The following RBM15B variants were observed in gnomAD, a reference collection of about 807,000 sequenced individuals.
The protein encoded by RBM15B is RNA binding motif protein 15B.
Under a neutral mutation model 53.3 loss-of-function variants are expected in RBM15B, and 11 were observed. The ratio of observed to expected loss-of-function variants is 0.21; its 90% confidence interval spans 0.13 to 0.34. RBM15B has a LOEUF of 0.34. Ranked by LOEUF, RBM15B falls within the 10% of genes least tolerant of loss-of-function variation. RBM15B has a pLI of 1.00. For missense variants in RBM15B, 1,136 were observed against 1,250.3 expected, an observed-to-expected ratio of 0.91 and a Z score of 1.38; for synonymous variants, 631 against 540.7, an observed-to-expected ratio of 1.17 and a Z score of -2.32.
Position 51,396,599 on chromosome 3 carries a change from G to T in RBM15B, c.*2527G>T, listed in dbSNP as rs879946113. The stretch of plus-strand genomic sequence containing the variant: ...AAAGGCAACATGTGCCTCACTGGTG[G>T]TGTGCCACTGTTCTCATGCTGCCTC... On this transcript the variant is annotated 3_prime_UTR_variant, in exon 1 of 1. Coordinates refer to ENST00000563281, the MANE Select transcript of RBM15B (RefSeq NM_013286.5). 3.0e-5 allele frequency: 5 copies of T among 167,164 alleles called. No homozygotes were observed. Among genetic ancestry groups the T allele is most frequent in the Non-Finnish European group, 5.9e-5 (4 of 68,148 alleles). 10.4% of individuals were successfully genotyped at this position (167,164 alleles called of 1,614,324 possible).
chr3:51,392,719 C>A lies in RBM15B; in HGVS notation c.1320C>A (p.Arg440=). 1.9e-6 allele frequency: 3 copies of A among 1,614,198 alleles called. No individual in the cohort carries two copies. Among genetic ancestry groups the A allele is most frequent in the Non-Finnish European group, 2.5e-6 (3 of 1,180,046 alleles). The change falls in exon 1 of 1, where the codon CGC becomes CGA. Residue 440 remains arginine, a synonymous_variant. Transcript: ENST00000563281. This position sits in a 1 kb window ranked among gnomAD's most constrained non-coding sequence, Gnocchi z 7.5. ...CGGCTCTGGCCCGAGAGTTTGACCG[C>A]TTTGGGAGCATTCGGACCATTGATC... ...SLAALAREFD[R]FGSIRTIDHV... is the part of the protein sequence containing the mutation.
rs1397872616 is a variant in RBM15B at position 51,391,499 on chromosome 3, G to A, written c.100G>A (p.Gly34Arg). The A allele has an allele frequency of 8.2e-7, 1 of 1,221,634 alleles. No individual in the cohort carries two copies. The highest frequency in any genetic ancestry group is 1.0e-6 in the Non-Finnish European group (1 of 981,556). The allele number at this position is 1,221,634 out of a possible 1,614,324, so 75.7% of individuals were successfully genotyped here. ...REREREAEAG[G>R]RRAAHKASGG... ...GCGCGAACGGGAGGCGGAGGCGGGC[G>A]GGCGGCGGGCGGCGCACAAGGCCTC... The change falls in exon 1 of 1, where the codon GGG becomes AGG. Residue 34 changes from glycine (G) to arginine (R), a missense_variant. Around this residue, in one of 7 missense-constraint regions of RBM15B, gnomAD observed 257 missense variants for 261.1 expected, o/e 0.98. Coordinates refer to ENST00000563281, the MANE Select transcript of RBM15B (RefSeq NM_013286.5). This position sits in a 1 kb window ranked among gnomAD's most constrained non-coding sequence, Gnocchi z 4.5.
In RBM15B at chr3:51,396,226, TA is replaced by T. The variant is rs1310544034; in HGVS notation, c.*2155del. ...CAGAACCAAGTAAAAGGAAACATGC[TA>T]GAAAACGTGCCTAGAGAAGACACTT... On this transcript the variant is annotated 3_prime_UTR_variant, in exon 1 of 1. Transcript: ENST00000563281. The T allele has an allele frequency of 2.0e-5, 6 of 303,678 alleles. No homozygotes were observed. The highest frequency in any genetic ancestry group is 3.8e-5 in the Non-Finnish European group (6 of 157,382). The allele number at this position is 303,678 out of a possible 1,614,324, so 18.8% of individuals were successfully genotyped here.
Position 51,391,597 on chromosome 3 carries a change from G to A in RBM15B, c.198G>A (p.Gly66=). The A allele has an allele frequency of 8.5e-7, 1 of 1,179,112 alleles. No individual in the cohort carries two copies. The highest frequency in any genetic ancestry group is 3.4e-4 in the Middle Eastern group (1 of 2,922). The allele number at this position is 1,179,112 out of a possible 1,614,324, so 73.0% of individuals were successfully genotyped here. A position where few individuals can be genotyped will look rare whatever the true frequency, so the allele number is the denominator to read the frequency against. ...GCGGCAGCGGAAGCGGCGGGGGCGGGCATCGCGACGGCCGCGGCACCGGGG... is the reference window on the plus strand; with the variant it reads ...GCGGCAGCGGAAGCGGCGGGGGCGGACATCGCGACGGCCGCGGCACCGGGG... ...KPRGSGSGGG[G]HRDGRGTGDA... is the part of the protein sequence containing the mutation. The change falls in exon 1 of 1, where the codon GGG becomes GGA. Residue 66 remains glycine, a synonymous_variant. Coordinates refer to ENST00000563281, the MANE Select transcript of RBM15B (RefSeq NM_013286.5). This position sits in a 1 kb window ranked among gnomAD's most constrained non-coding sequence, Gnocchi z 4.5.
In RBM15B at chr3:51,391,854, C is replaced by A; in HGVS notation, c.455C>A (p.Ala152Asp). 1 of 1,603,320 alleles carries A rather than the reference C, an allele frequency of 6.2e-7. No homozygotes were observed. The change falls in exon 1 of 1, where the codon GCC becomes GAC. Residue 152 changes from alanine to aspartate, a missense_variant. Physicochemically the swap from Ala to Asp is moderately radical, Grantham distance 126 (BLOSUM62 -2). Transcript: ENST00000563281. The surrounding 1 kb of genome is among the most constrained non-coding windows in gnomAD (Gnocchi z 4.5). ...AGCAGCTTGAGCCCCGCGCTGCCCG[C>A]CGAGCACCTCGAGGACCGGCTCTTC... ...LISSLSPALPAEHLEDRLFHQ... is the reference protein window; with the variant it reads ...LISSLSPALPDEHLEDRLFHQ...
In RBM15B at chr3:51,391,743, TGCCGCCGCCTCC is replaced by T; in HGVS notation, c.348_359del (p.Pro119_Pro122del). On this transcript the variant is annotated inframe_deletion, in exon 1 of 1. Transcript: ENST00000563281. The surrounding 1 kb of genome is among the most constrained non-coding windows in gnomAD (Gnocchi z 4.5). ...GGCATGTCGCCCCGCGCGTCTCCTC[TGCCGCCGCCTCC>T]GCCACCGCCTGGGGCCGAGCCCGCG... 5.2e-6 allele frequency: 8 copies of T among 1,538,462 alleles called. No homozygotes were observed. Among genetic ancestry groups the T allele is most frequent in the Non-Finnish European group, 6.1e-6 (7 of 1,153,768 alleles).
rs2089100676 is a variant in RBM15B, at chr3:51,394,326, G to A, written c.*254G>A. 4 of 427,818 alleles carry A rather than the reference G, an allele frequency of 9.3e-6. No homozygotes were observed. Among genetic ancestry groups the A allele is most frequent in the Non-Finnish European group, 1.6e-5 (4 of 257,578 alleles). 26.5% of individuals were successfully genotyped at this position (427,818 alleles called of 1,614,324 possible). A position where few individuals can be genotyped will look rare whatever the true frequency, so the allele number is the denominator to read the frequency against. On this transcript the variant is annotated 3_prime_UTR_variant, in exon 1 of 1. Coordinates refer to ENST00000563281, the MANE Select transcript of RBM15B (RefSeq NM_013286.5). ...ACAAGATACTGTCTGCTGTGGTTCT[G>A]TATTTTTTTATTTTTTGACCAACTG... is the stretch of plus-strand genomic sequence containing the variant.
In RBM15B at chr3:51,392,981, GT is replaced by G. The variant is rs782703766; in HGVS notation, c.1583del (p.Val528GlyfsTer181). 1 of 1,613,694 alleles carries G rather than the reference GT, an allele frequency of 6.2e-7. No homozygotes were observed. The highest frequency in any genetic ancestry group is 1.3e-5 in the African/African-American group (1 of 74,942). ...GCACCGCAACCTGGACGCCGACCTGGTGCGGGACAGGACGCCCCCACACCTT... is the reference window on the plus strand; with the variant it reads ...GCACCGCAACCTGGACGCCGACCTGGGCGGGACAGGACGCCCCCACACCTT... ...TRHRNLDADL[V>X]RDRTPPHLLY... On this transcript the variant is annotated frameshift_variant, in exon 1 of 1. Coordinates refer to ENST00000563281, the MANE Select transcript of RBM15B (RefSeq NM_013286.5). LOFTEE classifies it high-confidence loss of function. The surrounding 1 kb of genome is among the most constrained non-coding windows in gnomAD (Gnocchi z 7.5).
Position 51,393,350 on chromosome 3 carries a change from A to C in RBM15B, c.1951A>C (p.Asn651His). The C allele has an allele frequency of 6.2e-7, 1 of 1,612,760 alleles. No homozygotes were observed. Among genetic ancestry groups the C allele is most frequent in the East Asian group, 2.2e-5 (1 of 44,852 alleles). ...SSEGTKESSS[N>H]SLSNSRHGAE... is the part of the protein sequence containing the mutation. ...TGAAGGGACCAAGGAGTCCAGCAGC[A>C]ACTCCCTCAGCAACAGCAGACATGG... The change falls in exon 1 of 1, where the codon AAC becomes CAC. Residue 651 changes from asparagine to histidine, a missense_variant. Around this residue, in one of 7 missense-constraint regions of RBM15B, gnomAD observed 578 missense variants for 581.6 expected, o/e 0.99. Transcript: ENST00000563281. This position sits in a 1 kb window ranked among gnomAD's most constrained non-coding sequence, Gnocchi z 5.6.
chr3:51,392,572 T>C lies in RBM15B; in HGVS notation c.1173T>C (p.His391=), dbSNP rs782404825. 3.0e-5 allele frequency: 49 copies of C among 1,613,784 alleles called. No homozygotes were observed. The highest frequency in any genetic ancestry group is 6.6e-5 in the South Asian group (6 of 91,086). The change falls in exon 1 of 1, where the codon CAT becomes CAC. Residue 391 remains histidine, a synonymous_variant. Coordinates refer to ENST00000563281, the MANE Select transcript of RBM15B (RefSeq NM_013286.5). The surrounding 1 kb of genome is among the most constrained non-coding windows in gnomAD (Gnocchi z 7.5). ...FLKFQNLDMA[H]RAKVAMSGRV... is the part of the protein sequence containing the mutation. Reference sequence around the variant, plus strand: ...AGTTCCAGAACCTGGACATGGCCCATAGGGCTAAGGTGGCCATGTCGGGCC... The same window carrying C: ...AGTTCCAGAACCTGGACATGGCCCACAGGGCTAAGGTGGCCATGTCGGGCC...
Position 51,394,204 on chromosome 3 carries a change from A to AAAG in RBM15B, c.*133_*135dup. ...ATTTTGGTTCATTTGGGTGGGGATC[A>AAAG]AAGTCCTGTCCACCACCAAAACTAA... On this transcript the variant is annotated 3_prime_UTR_variant, in exon 1 of 1. Coordinates refer to ENST00000563281, the MANE Select transcript of RBM15B (RefSeq NM_013286.5). 18 of 1,203,202 alleles carry AAAG rather than the reference A, an allele frequency of 1.5e-5. No homozygotes were observed. Among genetic ancestry groups the AAAG allele is most frequent in the Non-Finnish European group, 1.9e-5 (18 of 943,482 alleles). 74.5% of individuals were successfully genotyped at this position (1,203,202 alleles called of 1,614,324 possible). A position where few individuals can be genotyped will look rare whatever the true frequency, so the allele number is the denominator to read the frequency against.
chr3:51,395,438 A>C lies in RBM15B; in HGVS notation c.*1366A>C. On this transcript the variant is annotated 3_prime_UTR_variant, in exon 1 of 1. Transcript: ENST00000563281. ...TTCCGTCTTCTTCCCTGTCTCAAGT[A>C]AGTAAGGAAGGTACTGCGGACAGTG... is the stretch of plus-strand genomic sequence containing the variant. The C allele has an allele frequency of 5.2e-6, 1 of 194,026 alleles. No individual in the cohort carries two copies. Among genetic ancestry groups the C allele is most frequent in the Non-Finnish European group, 1.2e-5 (1 of 86,356 alleles). The allele number at this position is 194,026 out of a possible 1,614,324, so 12.0% of individuals were successfully genotyped here. A position where few individuals can be genotyped will look rare whatever the true frequency, so the allele number is the denominator to read the frequency against.
chr3:51,395,870 A>ATGT lies in RBM15B; in HGVS notation c.*1800_*1802dup. ...CATAACAAAACAGCAACACAAAGACATGTTAAGCATGTTTATTTATTTGCC... is the reference window on the plus strand; with the variant it reads ...CATAACAAAACAGCAACACAAAGACATGTTGTTAAGCATGTTTATTTATTTGCC... On this transcript the variant is annotated 3_prime_UTR_variant, in exon 1 of 1. Transcript: ENST00000563281. 1 of 413,520 alleles carries ATGT rather than the reference A, an allele frequency of 2.4e-6. No individual in the cohort carries two copies. The highest frequency in any genetic ancestry group is 1.3e-4 in the South Asian group (1 of 7,860). The allele number at this position is 413,520 out of a possible 1,614,324, so 25.6% of individuals were successfully genotyped here. A position where few individuals can be genotyped will look rare whatever the true frequency, so the allele number is the denominator to read the frequency against.
chr3:51,394,168 T>C lies in RBM15B; in HGVS notation c.*96T>C. 6 of 1,287,146 alleles carry C rather than the reference T, an allele frequency of 4.7e-6. No homozygotes were observed. Among genetic ancestry groups the C allele is most frequent in the Non-Finnish European group, 6.0e-6 (6 of 1,006,990 alleles). The allele number at this position is 1,287,146 out of a possible 1,614,324, so 79.7% of individuals were successfully genotyped here. A position where few individuals can be genotyped will look rare whatever the true frequency, so the allele number is the denominator to read the frequency against. ...TACCCTACCACTTTGGTTTGAATTATCTCCTGGGTTATTTTGGTTCATTTG... is the reference window on the plus strand; with the variant it reads ...TACCCTACCACTTTGGTTTGAATTACCTCCTGGGTTATTTTGGTTCATTTG... On this transcript the variant is annotated 3_prime_UTR_variant, in exon 1 of 1. Transcript: ENST00000563281.
At position 51,391,733 on chromosome 3, in the gene RBM15B, G is replaced by A. The variant is rs782618481; in HGVS notation, c.334G>A (p.Ala112Thr). ...GGGCGCCTCCGGCATGTCGCCCCGC[G>A]CGTCTCCTCTGCCGCCGCCTCCGCC... ...DPGASGMSPRASPLPPPPPPP... is the reference protein window; with the variant it reads ...DPGASGMSPRTSPLPPPPPPP... The change falls in exon 1 of 1, where the codon GCG (alanine) becomes ACG (threonine). Residue 112 changes from alanine to threonine, a missense_variant. Ala to Thr is a moderately conservative substitution (Grantham distance 58, BLOSUM62 0). Coordinates refer to ENST00000563281, the MANE Select transcript of RBM15B (RefSeq NM_013286.5). This position sits in a 1 kb window ranked among gnomAD's most constrained non-coding sequence, Gnocchi z 4.5. 5.8e-5 allele frequency: 86 copies of A among 1,494,298 alleles called. No individual in the cohort carries two copies. The highest frequency in any genetic ancestry group is 7.1e-5 in the Non-Finnish European group (80 of 1,133,674). 92.6% of individuals were successfully genotyped at this position (1,494,298 alleles called of 1,614,324 possible).
In RBM15B at chr3:51,392,234, G is replaced by T; in HGVS notation, c.835G>T (p.Ala279Ser). The change falls in exon 1 of 1, where the codon GCC becomes TCC. Residue 279 changes from alanine (A) to serine (S), a missense_variant. Physicochemically the swap from Ala to Ser is moderately conservative, Grantham distance 99. Transcript: ENST00000563281. This position sits in a 1 kb window ranked among gnomAD's most constrained non-coding sequence, Gnocchi z 7.5. ...VAAPPLREPR[A>S]RHAAAAFALD... ...TGCCCCGCCCCTGCGGGAGCCCCGT[G>T]CCCGTCACGCCGCCGCAGCCTTCGC... 7.6e-6 allele frequency: 12 copies of T among 1,570,808 alleles called. No homozygotes were observed. The highest frequency in any genetic ancestry group is 9.5e-6 in the Non-Finnish European group (11 of 1,163,072).
In RBM15B at chr3:51,393,291, C is replaced by T. The variant is rs1553621935; in HGVS notation, c.1892C>T (p.Thr631Ile). Residue 631 changes from threonine to isoleucine, a missense_variant, in exon 1 of 1, where the codon ACC becomes ATC. Around this residue, in one of 7 missense-constraint regions of RBM15B, gnomAD observed 578 missense variants for 581.6 expected, o/e 0.99. Transcript: ENST00000563281. The surrounding 1 kb of genome is among the most constrained non-coding windows in gnomAD (Gnocchi z 5.6). ...GQQSERGSDR[T>I]PERSRKENHS... ...CAGTCAGAGCGGGGCTCCGACCGCA[C>T]CCCTGAGCGCAGCCGCAAGGAGAAC... 2 of 1,610,660 alleles carry T rather than the reference C, an allele frequency of 1.2e-6. No individual in the cohort carries two copies. The highest frequency in any genetic ancestry group is 2.2e-5 in the East Asian group (1 of 44,730).
In RBM15B at chr3:51,393,443, A is replaced by G. The variant is rs1553621970; in HGVS notation, c.2044A>G (p.Arg682Gly). The G allele has an allele frequency of 6.2e-7, 1 of 1,613,960 alleles. No homozygotes were observed. Among genetic ancestry groups the G allele is most frequent in the Non-Finnish European group, 8.5e-7 (1 of 1,179,960 alleles). Residue 682 changes from arginine to glycine, a missense_variant, in exon 1 of 1, where the codon AGA (arginine) becomes GGA (glycine). Coordinates refer to ENST00000563281, the MANE Select transcript of RBM15B (RefSeq NM_013286.5). This position sits in a 1 kb window ranked among gnomAD's most constrained non-coding sequence, Gnocchi z 5.6. Reference sequence around the variant, plus strand: ...AGACTCTTCCCACGGGAAGAAGGCAAGAGACAGCGAGCGCAATCACCGGAC... The same window carrying G: ...AGACTCTTCCCACGGGAAGAAGGCAGGAGACAGCGAGCGCAATCACCGGAC... ...AADSSHGKKA[R>G]DSERNHRTTE...
chr3:51,393,032 T>C lies in RBM15B; in HGVS notation c.1633T>C (p.Phe545Leu). 6.2e-7 allele frequency: 1 copy of C among 1,613,750 alleles called. No homozygotes were observed. The highest frequency in any genetic ancestry group is 8.5e-7 in the Non-Finnish European group (1 of 1,179,964). The change falls in exon 1 of 1, where the codon TTT (phenylalanine) becomes CTT (leucine). Residue 545 changes from phenylalanine to leucine, a missense_variant. Coordinates refer to ENST00000563281, the MANE Select transcript of RBM15B (RefSeq NM_013286.5). This position sits in a 1 kb window ranked among gnomAD's most constrained non-coding sequence, Gnocchi z 5.6. ...HLLYSDRDRTFLEGDWTSPSK... is the reference protein window; with the variant it reads ...HLLYSDRDRTLLEGDWTSPSK... ...TCTGTACTCAGACCGAGACCGGACT[T>C]TTTTGGAAGGGGACTGGACCAGCCC...
Sources: allele counts gnomAD v4.1 joint callset, GRCh38; gene constraint gnomAD v4.1.1; regional missense constraint gnomAD v4.1.1; non-coding constraint Gnocchi (gnomAD v3.1); transcripts MANE v1.5; gene names NCBI Gene and HGNC (gene_info 2026-07-23, HGNC 2026-07-21).